SPAG16: variants seen among roughly 807,000 people sequenced by gnomAD.
SPAG16 encodes sperm-associated antigen 16 protein.
In SPAG16, 86 loss-of-function variants were observed where a neutral mutation model predicts 80.4. The observed-to-expected ratio is 1.07, with a 90% CI of 0.90 to 1.28. The LOEUF (loss-of-function observed/expected upper bound fraction) is 1.28. Ranked by LOEUF, SPAG16 falls within the 50% of genes most tolerant of loss-of-function variation. The pLI, the probability that SPAG16 is intolerant of heterozygous loss-of-function variation, is 0.00. For missense variants in SPAG16, 870 were observed against 765.3 expected, an observed-to-expected ratio of 1.14 and a Z score of -1.61; for synonymous variants, 294 against 265.9, an observed-to-expected ratio of 1.11 and a Z score of -1.03.
chr2:213,902,856 G>C (rs2077276329), intron 11 of SPAG16, among the ~76,000 whole-genome samples: 2 of 152,218 alleles, frequency 1.3e-5, no homozygotes, highest in South Asian at 4.1e-4. Flanking sequence ...TGGGGGTACA[G>C]GTATTGGCTA....
rs183868332 is a variant in SPAG16, at chr2:213,339,366, A to G, written c.537-797A>G. Among the ~76,000 whole-genome samples, 37 of 152,358 alleles carry G rather than the reference A, an allele frequency of 2.4e-4. No homozygotes were observed. In the East Asian group the frequency reaches 5.6e-3, roughly 23 times the overall value. ...TCAGAATGGAAATGTGACAGTGTCA[A>G]TGCTGTAGCACTTTGTCAGTTATCT... On this transcript the variant is annotated intron_variant, in intron 5 of 15. Transcript: ENST00000331683.
chr2:213,503,323 A>T (rs942158946), intron 10 of SPAG16, among the ~76,000 whole-genome samples: 9 of 152,136 alleles, frequency 5.9e-5, no homozygotes, highest in African/African-American at 2.2e-4. Flanking sequence ...TATGTGCCTC[A>T]CCATCTTGTT....
At chr2:213,557,481 ATAGAG>A (rs1325024761) in intron 10 of SPAG16, among the ~76,000 whole-genome samples, 4 of 152,112 alleles carry the variant, frequency 2.6e-5, no homozygotes, top group Non-Finnish European at 4.4e-5. Flanking sequence ...ACCATTAAGA[ATAGAG>A]TATTCTGAAA....
At chr2:213,657,009 A>G in intron 10 of SPAG16, among the ~76,000 whole-genome samples, 1 of 152,210 alleles carries the variant, frequency 6.6e-6, no homozygotes, top group Middle Eastern at 3.2e-3. Context: ...GAATGTAAAT[A>G]TTCTCCAACT....
intron 10 of SPAG16, among the ~76,000 whole-genome samples, chr2:213,634,851 G>C (rs1393329725): frequency 6.6e-6 from 1 of 151,900 alleles, no homozygotes; most frequent in Admixed American, 6.6e-5. Context: ...GAATGTAAGA[G>C]GCTTGGTTTT....
intron 10 of SPAG16, among the ~76,000 whole-genome samples, chr2:213,718,268 G>A (rs1458261629): frequency 6.6e-6 from 1 of 152,142 alleles, no homozygotes; most frequent in Middle Eastern, 3.4e-3. Flanking sequence ...CATAATCACT[G>A]GTCACTAGAG....
intron 10 of SPAG16, among the ~76,000 whole-genome samples, chr2:213,594,713 GCT>G (rs2124941253): frequency 6.6e-6 from 1 of 152,284 alleles, no homozygotes; most frequent in South Asian, 2.1e-4. Flanking sequence ...CAGGGACTTG[GCT>G]GATGTATAAC....
At chr2:214,183,664 A>G (rs1460364348) in intron 15 of SPAG16, among the ~76,000 whole-genome samples, 1 of 152,036 alleles carries the variant, frequency 6.6e-6, no homozygotes, top group Non-Finnish European at 1.5e-5. Flanking sequence ...GGTGCTGGAG[A>G]TAGGTCAGCC....
At chr2:213,836,370 A>G (rs1042960066) in intron 10 of SPAG16, among the ~76,000 whole-genome samples, 4 of 152,284 alleles carry the variant, frequency 2.6e-5, no homozygotes, top group East Asian at 1.9e-4. Context: ...TTTTAGTTCT[A>G]TTGTCTAAGA....
chr2:213,353,881 T>C (rs2065476299), intron 7 of SPAG16, among the ~76,000 whole-genome samples: 1 of 152,190 alleles, frequency 6.6e-6, no homozygotes, highest in South Asian at 2.1e-4. Flanking sequence ...AGAAAATCTT[T>C]ATTAATGGGA....
chr2:214,270,156 A>C (rs1404380866), intron 15 of SPAG16, among the ~76,000 whole-genome samples: 2 of 152,288 alleles, frequency 1.3e-5, no homozygotes, highest in South Asian at 2.1e-4. Context: ...ATTGACTTGA[A>C]TAATTTTCCA....
intron 13 of SPAG16, among the ~76,000 whole-genome samples, chr2:214,054,044 G>A (rs1342087295): frequency 6.6e-6 from 1 of 151,880 alleles, no homozygotes; most frequent in Non-Finnish European, 1.5e-5. Context: ...CCTGTACGGA[G>A]CCTCCCTTTT....
At chr2:214,172,042 C>T (rs1322619407) in intron 15 of SPAG16, among the ~76,000 whole-genome samples, 3 of 151,592 alleles carry the variant, frequency 2.0e-5, no homozygotes, top group Non-Finnish European at 2.9e-5. Flanking sequence ...AGAATTGCAT[C>T]TCATGTTACA....
intron 13 of SPAG16, among the ~76,000 whole-genome samples, chr2:214,022,281 A>G (rs1199487800): frequency 2.6e-5 from 4 of 152,140 alleles, no homozygotes; most frequent in African/African-American, 9.7e-5. Flanking sequence ...CTGGACTTAT[A>G]TCCTATATTA....
chr2:213,356,877 C>A (rs552515738), intron 7 of SPAG16, among the ~76,000 whole-genome samples: 1 of 151,984 alleles, frequency 6.6e-6, no homozygotes, highest in Admixed American at 6.6e-5. Context: ...CTTTCTCTTG[C>A]GGGTATTTAG....
At chr2:214,003,533 T>G (rs2046891090) in intron 12 of SPAG16, among the ~76,000 whole-genome samples, 1 of 152,198 alleles carries the variant, frequency 6.6e-6, no homozygotes, top group Non-Finnish European at 1.5e-5. Flanking sequence ...TCTACCTCAG[T>G]TTCCTTCTCT....
intron 13 of SPAG16, among the ~76,000 whole-genome samples, chr2:214,041,962 T>TA (rs1559725611): frequency 3.2e-5 from 4 of 123,576 alleles, no homozygotes; most frequent in African/African-American, 1.3e-4. Context: ...GTGTATATAT[T>TA]TGTGTGTCTG....
intron 13 of SPAG16, among the ~76,000 whole-genome samples, chr2:214,026,560 A>G: frequency 6.6e-6 from 1 of 151,614 alleles, no homozygotes; most frequent in Non-Finnish European, 1.5e-5. Context: ...TTTATAAACT[A>G]ATATATAGGT....
At chr2:214,265,625 AT>A (rs2125881627) in intron 15 of SPAG16, among the ~76,000 whole-genome samples, 1 of 151,994 alleles carries the variant, frequency 6.6e-6, no homozygotes, top group African/African-American at 2.4e-5. Context: ...ACAGTGTATA[AT>A]TTTTTTATGG....
Sources: allele counts gnomAD v4.1 joint callset (sites outside exome capture counted in the v4.1 genomes callset), GRCh38; gene constraint gnomAD v4.1.1; transcripts MANE v1.5; gene names NCBI Gene and HGNC (gene_info 2026-07-23, HGNC 2026-07-21).